Variants in RHOBTB1 observed in about 807,000 individuals in gnomAD.
The protein encoded by RHOBTB1 is rho-related BTB domain-containing protein 1.
In RHOBTB1, 40 loss-of-function variants were observed where a neutral mutation model predicts 71.6. The observed-to-expected ratio is 0.56, with a 90% confidence interval of 0.43 to 0.73. The LOEUF (loss-of-function observed/expected upper bound fraction) is 0.73. Among genes scored for constraint, RHOBTB1 ranks in the 30% least tolerant of loss-of-function variants. The pLI, the probability that RHOBTB1 is intolerant of heterozygous loss-of-function variation, is 0.00. For synonymous variants in RHOBTB1, 319 were observed against 334.9 expected (o/e 0.95, Z 0.52); for missense variants, 797 against 894.0 (o/e 0.89, Z 1.38).
At chr10:60,899,096 C>A (rs1589233267) in intron 4 of RHOBTB1, among the ~76,000 whole-genome samples, 1 of 152,176 alleles carries the variant, frequency 6.6e-6, no homozygotes. Flanking sequence ...ATTTTCCACT[C>A]AAAATCTCAT....
chr10:60,988,057 G>A (rs948511798), intron 1 of RHOBTB1, among the ~76,000 whole-genome samples: 9 of 148,144 alleles, frequency 6.1e-5, no homozygotes, highest in African/African-American at 1.0e-4. Context: ...TCAGCCTCCC[G>A]GGTAGCTGGG....
downstream of RHOBTB1, among the ~76,000 whole-genome samples, chr10:60,866,779 C>CATT (rs1330268502): frequency 6.6e-6 from 1 of 151,932 alleles, no homozygotes; most frequent in Non-Finnish European, 1.5e-5. Flanking sequence ...CCCTCCAGCC[C>CATT]ATTATTATTA....
At chr10:60,911,227 G>T in intron 3 of RHOBTB1, 124 bp downstream of exon 3, 1 of 993,854 alleles carries the variant, frequency 1.0e-6, no homozygotes, top group Non-Finnish European at 1.4e-6. Context: ...TTCTCTCGTG[G>T]CACTAAAAAG....
In RHOBTB1 at chr10:60,870,549, C is replaced by A. The variant is rs2080730499; in HGVS notation, c.*933G>T. On this transcript the variant is annotated 3_prime_UTR_variant, in exon 11 of 11. Coordinates refer to ENST00000337910, the MANE Select transcript of RHOBTB1 (RefSeq NM_014836.5). ...AAGCCTGTAGATGGCAGGAGGGAGTCCAGGGACCTTTTCCCTTGCCCATCT... is the reference window on the plus strand; with the variant it reads ...AAGCCTGTAGATGGCAGGAGGGAGTACAGGGACCTTTTCCCTTGCCCATCT... The A allele has an allele frequency of 6.6e-6, 1 of 152,140 alleles. No homozygotes were observed. The allele number at this position is 152,140 out of a possible 1,614,324, so 9.4% of individuals were successfully genotyped here.
chr10:60,861,984 G>A, the RHOBTB1 span, among the ~76,000 whole-genome samples: 885 of 152,228 alleles, frequency 5.8e-3, 6 homozygotes, highest in African/African-American at 0.02. Flanking sequence ...GTTGGAGCTG[G>A]AGAAGATCTT....
intron 1 of RHOBTB1, among the ~76,000 whole-genome samples, chr10:60,942,352 C>A (rs1398696089): frequency 6.6e-6 from 1 of 152,204 alleles, no homozygotes; most frequent in Non-Finnish European, 1.5e-5. Context: ...TCTATTTCCA[C>A]CTGTGTGATC....
intron 1 of RHOBTB1, among the ~76,000 whole-genome samples, chr10:60,943,277 G>A (rs1447398933): frequency 6.6e-6 from 1 of 152,228 alleles, no homozygotes. Flanking sequence ...AAACGGTGCA[G>A]CTAACAGTAG....
At chr10:60,958,326 A>C (rs1268482991) in intron 2 of RHOBTB1, among the ~76,000 whole-genome samples, 1 of 152,200 alleles carries the variant, frequency 6.6e-6, no homozygotes, top group Non-Finnish European at 1.5e-5. Context: ...TTAGAAGCCC[A>C]AACTTCTGAG....
chr10:60,999,296 A>G (rs144925063), intron 1 of RHOBTB1, among the ~76,000 whole-genome samples: 270 of 152,350 alleles, frequency 1.8e-3, no homozygotes, highest in African/African-American at 6.2e-3. Context: ...CAAAAAAAAG[A>G]CATCCCCAAC....
upstream of RHOBTB1, among the ~76,000 whole-genome samples, chr10:60,944,421 G>A (rs2085122762): frequency 6.6e-6 from 1 of 152,206 alleles, no homozygotes; most frequent in African/African-American, 2.4e-5. Context: ...GACACGGGTG[G>A]CAAAGGTTCC....
At chr10:60,898,373 G>A (rs2082259866) in intron 4 of RHOBTB1, among the ~76,000 whole-genome samples, 1 of 152,088 alleles carries the variant, frequency 6.6e-6, no homozygotes, top group Non-Finnish European at 1.5e-5. Context: ...TAGTCTGACA[G>A]GGCTATGCAA....
At chr10:60,958,028 C>T (rs1381881252) in intron 2 of RHOBTB1, among the ~76,000 whole-genome samples, 1 of 152,162 alleles carries the variant, frequency 6.6e-6, no homozygotes, top group East Asian at 1.9e-4. Context: ...AGAACAGATA[C>T]AGACCCCACA....
chr10:60,962,179 G>T (rs190407778), intron 2 of RHOBTB1, among the ~76,000 whole-genome samples: 1 of 151,914 alleles, frequency 6.6e-6, no homozygotes, highest in Non-Finnish European at 1.5e-5. Context: ...TTTTCATAAT[G>T]AGCCACAAAT....
At chr10:60,996,769 G>A (rs1027858794) in intron 1 of RHOBTB1, among the ~76,000 whole-genome samples, 2 of 152,038 alleles carry the variant, frequency 1.3e-5, no homozygotes, top group African/African-American at 2.4e-5. Context: ...AATATTATAC[G>A]GGAGACACAA....
intron 1 of RHOBTB1, among the ~76,000 whole-genome samples, chr10:60,993,405 T>C (rs1036102254): frequency 2.6e-5 from 4 of 152,228 alleles, no homozygotes; most frequent in Non-Finnish European, 5.9e-5. Flanking sequence ...TCAAGCTTTC[T>C]TCTTTTAAGA....
At chr10:60,864,112 T>C in the RHOBTB1 span, among the ~76,000 whole-genome samples, 1 of 152,162 alleles carries the variant, frequency 6.6e-6, no homozygotes, top group East Asian at 1.9e-4. Flanking sequence ...TGAGTGGGGC[T>C]TCCTGGCTTG....
chr10:60,889,237 C>A, intron 5 of RHOBTB1, 52 bp from the exon 6 acceptor site: 2 of 1,523,464 alleles, frequency 1.3e-6, no homozygotes. Context: ...AGGAAAAAAA[C>A]AGTAACAAGG....
upstream of RHOBTB1, among the ~76,000 whole-genome samples, chr10:60,944,750 T>G (rs2085144019): frequency 6.6e-6 from 1 of 152,186 alleles, no homozygotes; most frequent in South Asian, 2.1e-4. Flanking sequence ...AGCTGCTGAC[T>G]AAGGGCTGCA....
chr10:60,944,995 T>C (rs1335088699), upstream of RHOBTB1, among the ~76,000 whole-genome samples: 1 of 152,156 alleles, frequency 6.6e-6, no homozygotes, highest in Admixed American at 6.5e-5. Context: ...AGCCCATGCC[T>C]CCTCACAGAA....
Sources: allele counts gnomAD v4.1 joint callset (sites outside exome capture counted in the v4.1 genomes callset), GRCh38; gene constraint gnomAD v4.1.1; transcripts MANE v1.5; gene names NCBI Gene and HGNC (gene_info 2026-07-23, HGNC 2026-07-21).